The following SCARB1 variants were observed in gnomAD, a reference collection of about 807,000 sequenced individuals.
SCARB1 encodes the protein scavenger receptor class B member 1.
In SCARB1, 30 loss-of-function variants were observed where a neutral mutation model predicts 57.2. The ratio of observed to expected loss-of-function variants is 0.52; its 90% confidence interval spans 0.39 to 0.71. SCARB1 has a LOEUF of 0.71. Among genes scored for constraint, SCARB1 ranks in the 30% least tolerant of loss-of-function variants. SCARB1 has a pLI of 0.00. For synonymous variants in SCARB1, 249 were observed against 268.3 expected (o/e 0.93, Z 0.70); for missense variants, 543 against 671.2 (o/e 0.81, Z 2.11).
chr12:124,842,333 A>G (rs1374061494), intron 1 of SCARB1, among the ~76,000 whole-genome samples: 1 of 152,208 alleles, frequency 6.6e-6, no homozygotes, highest in Admixed American at 6.5e-5. Flanking sequence ...AAGCCGAGAA[A>G]GCCCCAGGAA....
intron 1 of SCARB1, among the ~76,000 whole-genome samples, chr12:124,839,462 A>G (rs909308569): frequency 2.0e-4 from 31 of 152,074 alleles, no homozygotes; most frequent in Non-Finnish European, 3.8e-4. Context: ...ATCAGCGGAC[A>G]CTCGGGTTGC....
chr12:124,849,434 T>C (rs11057860), intron 1 of SCARB1, among the ~76,000 whole-genome samples: 9,880 of 152,226 alleles, frequency 0.065, 405 homozygotes, highest in African/African-American at 0.11. Flanking sequence ...TTTTAAAAAA[T>C]GCCTCATCCC....
intron 1 of SCARB1, among the ~76,000 whole-genome samples, chr12:124,841,373 CAAAA>C (rs147734175): frequency 2.3e-5 from 2 of 87,084 alleles, no homozygotes; most frequent in African/African-American, 9.5e-5. Flanking sequence ...GACTCCGTCT[CAAAA>C]AAAAAAAAAA....
At chr12:124,843,224 A>G (rs367671977) in intron 1 of SCARB1, among the ~76,000 whole-genome samples, 1 of 146,372 alleles carries the variant, frequency 6.8e-6, no homozygotes, top group Non-Finnish European at 1.5e-5. Flanking sequence ...GAGGCACGTG[A>G]CCATCCGCAG....
chr12:124,863,526 G>C, intron 1 of SCARB1, 69 bp downstream of exon 1: 1 of 1,532,584 alleles, frequency 6.5e-7, no homozygotes, highest in Non-Finnish European at 8.8e-7. Flanking sequence ...CAACGCGCGG[G>C]TCCTCCCGGC....
At chr12:124,802,748 C>T (rs1950178648) in intron 7 of SCARB1, among the ~76,000 whole-genome samples, 1 of 152,192 alleles carries the variant, frequency 6.6e-6, no homozygotes, top group Admixed American at 6.5e-5. Context: ...CCCAGGATTG[C>T]CACCGATGAT....
In SCARB1 at chr12:124,807,743, A is replaced by C; in HGVS notation, c.1009+18T>G. On this transcript the variant is annotated intron_variant, in intron 7 of 12. Transcript: ENST00000261693. The surrounding 1 kb of genome is among the most constrained non-coding windows in gnomAD (Gnocchi z 5.3). ...CCTCACACCCTCCCGCCATCCCAGCACAGGGGACGGCACGTACTGAACCTG... is the reference window on the plus strand; with the variant it reads ...CCTCACACCCTCCCGCCATCCCAGCCCAGGGGACGGCACGTACTGAACCTG... 6.2e-7 allele frequency: 1 copy of C among 1,613,546 alleles called. No homozygotes were observed.
intron 9 of SCARB1, among the ~76,000 whole-genome samples, chr12:124,790,831 G>A (rs1949700125): frequency 6.6e-6 from 1 of 152,240 alleles, no homozygotes; most frequent in Admixed American, 6.5e-5. Context: ...TCACGTGGCA[G>A]GCCCGAGCCC....
rs1041713089 is a variant in SCARB1 at position 124,814,520 on chromosome 12, A to G, written c.427-115T>C. On this transcript the variant is annotated intron_variant, in intron 3 of 12. Coordinates refer to ENST00000261693, the MANE Select transcript of SCARB1 (RefSeq NM_005505.5). The surrounding 1 kb of genome is among the most constrained non-coding windows in gnomAD (Gnocchi z 4.7). ...ATGAAGGGAAATGCTGGGGTGCAGG[A>G]GGCCCCTGGAGTGGCCACGTGGGGC... The G allele has an allele frequency of 1.3e-5, 15 of 1,140,736 alleles. No individual in the cohort carries two copies. The highest frequency in any genetic ancestry group is 1.9e-5 in the Admixed American group (1 of 51,650). The allele number at this position is 1,140,736 out of a possible 1,614,324, so 70.7% of individuals were successfully genotyped here.
chr12:124,786,919 G>A (rs894974837), intron 10 of SCARB1, among the ~76,000 whole-genome samples: 2 of 152,190 alleles, frequency 1.3e-5, no homozygotes, highest in Admixed American at 6.5e-5. Context: ...CTTGACATTC[G>A]GAGGCTTGTT....
chr12:124,814,071 AGT>A lies in SCARB1; in HGVS notation c.630+129_630+130del. On this transcript the variant is annotated intron_variant, in intron 4 of 12. Coordinates refer to ENST00000261693, the MANE Select transcript of SCARB1 (RefSeq NM_005505.5). The surrounding 1 kb of genome is among the most constrained non-coding windows in gnomAD (Gnocchi z 4.7). ...TCAAGCCGGTTTGAGTCAGGTTCTC[AGT>A]CACTTACAACCCACAGCCACTAGAT... 1.2e-6 allele frequency: 1 copy of A among 853,024 alleles called. No homozygotes were observed. Among genetic ancestry groups the A allele is most frequent in the South Asian group, 1.3e-5 (1 of 74,336 alleles). The allele number at this position is 853,024 out of a possible 1,614,324, so 52.8% of individuals were successfully genotyped here. A position where few individuals can be genotyped will look rare whatever the true frequency, so the allele number is the denominator to read the frequency against.
intron 1 of SCARB1, among the ~76,000 whole-genome samples, chr12:124,825,692 C>G (rs1689554398): frequency 6.6e-6 from 1 of 152,122 alleles, no homozygotes; most frequent in Non-Finnish European, 1.5e-5. Flanking sequence ...GAGAGCCCAG[C>G]CAGGTTCTCA....
At chr12:124,838,104 G>A (rs1026403405) in intron 1 of SCARB1, among the ~76,000 whole-genome samples, 14 of 152,194 alleles carry the variant, frequency 9.2e-5, no homozygotes, top group South Asian at 6.2e-4. Flanking sequence ...GACACAACCC[G>A]TGCAGCCTGC....
intron 1 of SCARB1, among the ~76,000 whole-genome samples, chr12:124,848,403 C>A (rs1470610544): frequency 1.3e-5 from 2 of 152,170 alleles, no homozygotes; most frequent in Non-Finnish European, 2.9e-5. Context: ...TTTTAATGAA[C>A]AACTATGACA....
chr12:124,843,055 C>A (rs1322605917), intron 1 of SCARB1, among the ~76,000 whole-genome samples: 1 of 152,206 alleles, frequency 6.6e-6, no homozygotes, highest in Non-Finnish European at 1.5e-5. Context: ...GGAGCAAAGA[C>A]CAGCTGGGGC....
chr12:124,828,762 G>A (rs1178256290), intron 1 of SCARB1, among the ~76,000 whole-genome samples: 1 of 152,188 alleles, frequency 6.6e-6, no homozygotes, highest in Non-Finnish European at 1.5e-5. Context: ...CTTCACAAAT[G>A]AATCATTAAC....
chr12:124,792,109 G>C (rs1949754572), intron 9 of SCARB1, among the ~76,000 whole-genome samples: 1 of 152,088 alleles, frequency 6.6e-6, no homozygotes, highest in Non-Finnish European at 1.5e-5. Context: ...CATTTACTTT[G>C]GCTGCTTTTC....
Position 124,810,103 on chromosome 12 carries a change from A to C in SCARB1, c.842+71T>G. On this transcript the variant is annotated intron_variant, in intron 6 of 12. Coordinates refer to ENST00000261693, the MANE Select transcript of SCARB1 (RefSeq NM_005505.5). This position sits in a 1 kb window ranked among gnomAD's most constrained non-coding sequence, Gnocchi z 4.0. The stretch of plus-strand genomic sequence containing the variant: ...ATGAGTCAAAATGCTTTCCAAGTGC[A>C]CAGCCAACACCACAGAATTTGGCCA... 3.2e-6 allele frequency: 3 copies of C among 950,374 alleles called. No individual in the cohort carries two copies. Among genetic ancestry groups the C allele is most frequent in the Non-Finnish European group, 1.7e-6 (1 of 586,294 alleles). 58.9% of individuals were successfully genotyped at this position (950,374 alleles called of 1,614,324 possible).
At chr12:124,826,003 G>A (rs1951143038) in intron 1 of SCARB1, among the ~76,000 whole-genome samples, 1 of 151,934 alleles carries the variant, frequency 6.6e-6, no homozygotes, top group African/African-American at 2.4e-5. Flanking sequence ...GATTAATACT[G>A]TACTGTATAC....
Sources: gnomAD v4.1 joint callset for allele counts (sites outside exome capture counted in the v4.1 genomes callset) on GRCh38, gnomAD v4.1.1 for gene constraint, Gnocchi (gnomAD v3.1) non-coding constraint, MANE v1.5 for transcripts, NCBI Gene and HGNC (gene_info 2026-07-23, HGNC 2026-07-21) for gene names.